The following PTK2 variants were observed in gnomAD, a reference collection of about 807,000 sequenced individuals.
PTK2 encodes focal adhesion kinase 1.
A neutral mutation model predicts 150.1 loss-of-function variants in PTK2; 45 were observed. That is an observed-to-expected ratio of 0.30 (90% CI 0.24 to 0.38). The LOEUF (loss-of-function observed/expected upper bound fraction) is 0.38, where lower values mean the gene tolerates loss of function less well. Among genes scored for constraint, PTK2 ranks in the 10% least tolerant of loss-of-function variants. The pLI is 1.00. For missense variants in PTK2, 919 were observed against 1,307.3 expected (o/e 0.70, Z 4.58); for synonymous variants, 432 against 449.2 (o/e 0.96, Z 0.48).
chr8:140,782,394 G>A (rs1050012484), intron 14 of PTK2, among the ~76,000 whole-genome samples: 10 of 151,742 alleles, frequency 6.6e-5, no homozygotes, highest in East Asian at 3.9e-4. Context: ...ATGGGCACAC[G>A]CCTCCACGCC....
chr8:140,816,644 A>G (rs1596909817), intron 10 of PTK2, among the ~76,000 whole-genome samples: 1 of 152,266 alleles, frequency 6.6e-6, no homozygotes, highest in African/African-American at 2.4e-5. Flanking sequence ...AAAGTACATG[A>G]TATGAGCAGT....
At chr8:140,837,822 G>A (rs1320352669) in intron 7 of PTK2, among the ~76,000 whole-genome samples, 2 of 151,976 alleles carry the variant, frequency 1.3e-5, no homozygotes, top group Admixed American at 1.3e-4. Context: ...ACTTTAGAAG[G>A]CCGATGCGGG....
At chr8:140,857,927 G>A (rs1426280550) in intron 5 of PTK2, among the ~76,000 whole-genome samples, 1 of 152,132 alleles carries the variant, frequency 6.6e-6, no homozygotes, top group Non-Finnish European at 1.5e-5. Flanking sequence ...AAGTCACTGT[G>A]AAAGCCACCA....
chr8:140,969,200 A>C (rs1173499583), intron 1 of PTK2, among the ~76,000 whole-genome samples: 1 of 152,196 alleles, frequency 6.6e-6, no homozygotes, highest in Non-Finnish European at 1.5e-5. Context: ...GTCTCCTCCT[A>C]ACATAACATC....
chr8:140,673,987 A>C, intron 29 of PTK2: 1 of 475,796 alleles, frequency 2.1e-6, no homozygotes, highest in Non-Finnish European at 4.1e-6. Context: ...CAATCTTGGC[A>C]CTTTGTTCTA....
chr8:140,915,833 T>C (rs976206163), intron 2 of PTK2, among the ~76,000 whole-genome samples: 8 of 151,540 alleles, frequency 5.3e-5, no homozygotes, highest in African/African-American at 1.9e-4. Context: ...ACCTGGGAGG[T>C]GGAGGTTGCA....
intron 14 of PTK2, among the ~76,000 whole-genome samples, chr8:140,772,003 G>T (rs113592309): frequency 6.6e-6 from 1 of 151,672 alleles, no homozygotes; most frequent in Non-Finnish European, 1.5e-5. Context: ...TGGCTAGGTT[G>T]GTCTCAAATT....
At chr8:140,927,974 A>AG (rs2100170256) in intron 1 of PTK2, among the ~76,000 whole-genome samples, 1 of 63,984 alleles carries the variant, frequency 1.6e-5, no homozygotes, top group African/African-American at 5.6e-5. Flanking sequence ...AAAAAAAAAA[A>AG]AATATATATA....
intron 27 of PTK2, among the ~76,000 whole-genome samples, chr8:140,685,705 G>C (rs10087344): frequency 0.019 from 2,919 of 152,318 alleles, 99 homozygotes; most frequent in African/African-American, 0.067. Flanking sequence ...TCTCACACCA[G>C]TCAGAATGTC....
At chr8:140,803,227 G>A (rs916628461) in intron 11 of PTK2, among the ~76,000 whole-genome samples, 3 of 151,636 alleles carry the variant, frequency 2.0e-5, no homozygotes, top group African/African-American at 7.3e-5. Flanking sequence ...GTGAACCCTG[G>A]CCTCAAGTGA....
intron 1 of PTK2, among the ~76,000 whole-genome samples, chr8:140,957,766 C>G (rs1039368252): frequency 6.6e-6 from 1 of 152,164 alleles, no homozygotes; most frequent in African/African-American, 2.4e-5. Context: ...ATATTCTGTA[C>G]AGTAACATGC....
At chr8:140,987,141 G>A (rs1052365004) in intron 1 of PTK2, among the ~76,000 whole-genome samples, 3 of 152,094 alleles carry the variant, frequency 2.0e-5, no homozygotes, top group African/African-American at 7.2e-5. Context: ...AGAACATATA[G>A]AGAACTCTCA....
chr8:140,995,083 C>T (rs1435364082), intron 1 of PTK2, among the ~76,000 whole-genome samples: 1 of 122,316 alleles, frequency 8.2e-6, no homozygotes, highest in Non-Finnish European at 1.7e-5. Context: ...AACTCTGTCT[C>T]AAAAAAAAAA....
chr8:140,932,891 G>A (rs1416622396), intron 1 of PTK2, among the ~76,000 whole-genome samples: 2 of 150,416 alleles, frequency 1.3e-5, no homozygotes, highest in African/African-American at 2.5e-5. Flanking sequence ...TTGCTCTGTC[G>A]CCCAGGCTAG....
chr8:140,884,409 T>C (rs920265529), intron 3 of PTK2, among the ~76,000 whole-genome samples: 6 of 152,194 alleles, frequency 3.9e-5, no homozygotes, highest in African/African-American at 9.7e-5. Flanking sequence ...AAGACCTCCA[T>C]AGTCCTTTCT....
chr8:140,822,507 G>A (rs1299682111), intron 8 of PTK2: 3 of 152,170 alleles, frequency 2.0e-5, no homozygotes, highest in Admixed American at 6.5e-5. Flanking sequence ...AACAGAGACT[G>A]AAACATTAGG....
rs1374452131 is a variant in PTK2 at position 140,800,373 on chromosome 8, A to G, written c.1093+86T>C. 1.9e-6 allele frequency: 2 copies of G among 1,062,462 alleles called. 1 individual carries two copies. The highest frequency in any genetic ancestry group is 2.5e-5 in the South Asian group (2 of 79,240). The allele number at this position is 1,062,462 out of a possible 1,614,324, so 65.8% of individuals were successfully genotyped here. On this transcript the variant is annotated intron_variant, in intron 12 of 31. Transcript: ENST00000522684. ...TTGGTCTTCATTTTTACAGTTACCT[A>G]AAAGAGGATAACAGGCTGTTAGGGG...
intron 29 of PTK2, among the ~76,000 whole-genome samples, chr8:140,671,447 C>T (rs2095392283): frequency 6.6e-6 from 1 of 152,250 alleles, no homozygotes; most frequent in East Asian, 1.9e-4. Flanking sequence ...GTCTGGTACT[C>T]TTGGTCTCAA....
At chr8:140,955,416 G>A (rs1049114226) in intron 1 of PTK2, among the ~76,000 whole-genome samples, 1 of 152,194 alleles carries the variant, frequency 6.6e-6, no homozygotes, top group South Asian at 2.1e-4. Context: ...TGCCATGATT[G>A]TAAGGTCTCC....
Sources: allele counts gnomAD v4.1 joint callset (sites outside exome capture counted in the v4.1 genomes callset), GRCh38; gene constraint gnomAD v4.1.1; transcripts MANE v1.5; gene names NCBI Gene and HGNC (gene_info 2026-07-23, HGNC 2026-07-21).